Variants in ZBTB20 observed in about 807,000 individuals in gnomAD.
The protein encoded by ZBTB20 is zinc finger and BTB domain-containing protein 20.
In ZBTB20, 9 loss-of-function variants were observed where a neutral mutation model predicts 56.9. The ratio of observed to expected loss-of-function variants is 0.16; its 90% CI spans 0.10 to 0.28. ZBTB20 has a LOEUF of 0.28. Among genes scored for constraint, ZBTB20 ranks in the 10% least tolerant of loss-of-function variants. The probability of loss-of-function intolerance (pLI) is 1.00; values close to 1 mark genes in which losing one functional copy is unlikely to be tolerated. For missense variants in ZBTB20, 655 were observed against 1,003.0 expected, an observed-to-expected ratio of 0.65 and a Z score of 4.69; for synonymous variants, 417 against 420.7, an observed-to-expected ratio of 0.99 and a Z score of 0.11.
In ZBTB20 at chr3:114,368,939, T is replaced by C. The variant is rs149243071; in HGVS notation, c.199+11278A>G. On this transcript the variant is annotated intron_variant, in intron 10 of 11. Coordinates refer to ENST00000675478, the MANE Select transcript of ZBTB20 (RefSeq NM_001348800.3). ...CCAGTCAGGTGTACCTATAAAGACC[T>C]ACAGTATTTCCCTGAGAAAATGACA... Among the ~76,000 whole-genome samples the C allele has an allele frequency of 1.9e-4, 29 of 152,372 alleles. No individual in the cohort carries two copies. The East Asian group carries it at 5.2e-3, about 27-fold the overall frequency.
chr3:114,498,893 T>C (rs2043609798), intron 7 of ZBTB20, among the ~76,000 whole-genome samples: 1 of 152,202 alleles, frequency 6.6e-6, no homozygotes, highest in Non-Finnish European at 1.5e-5. Flanking sequence ...CCTATAGCAC[T>C]GACGTCACAA....
At chr3:115,023,565 T>A (rs1223325857) in intron 2 of ZBTB20, among the ~76,000 whole-genome samples, 1 of 151,012 alleles carries the variant, frequency 6.6e-6, no homozygotes, top group Non-Finnish European at 1.5e-5. Context: ...AATTGAAATA[T>A]GCTATACTTC....
intron 2 of ZBTB20, among the ~76,000 whole-genome samples, chr3:115,024,272 T>G (rs9845146): frequency 6.6e-6 from 1 of 150,746 alleles, no homozygotes; most frequent in Admixed American, 6.6e-5. Flanking sequence ...CCAGGAACTA[T>G]GGTAAGTGCT....
At chr3:114,828,688 G>C (rs1241175001) in intron 4 of ZBTB20, among the ~76,000 whole-genome samples, 1 of 151,714 alleles carries the variant, frequency 6.6e-6, no homozygotes, top group Non-Finnish European at 1.5e-5. Context: ...CATTATGCAG[G>C]GTGATGTTCT....
At chr3:114,970,123 C>T (rs2108024882) in intron 3 of ZBTB20, among the ~76,000 whole-genome samples, 1 of 152,238 alleles carries the variant, frequency 6.6e-6, no homozygotes, top group East Asian at 1.9e-4. Flanking sequence ...CCTTTGTGTA[C>T]TTAATTCTTT....
chr3:114,607,824 C>T (rs1474501288), intron 6 of ZBTB20, among the ~76,000 whole-genome samples: 1 of 152,186 alleles, frequency 6.6e-6, no homozygotes, highest in African/African-American at 2.4e-5. Flanking sequence ...CATATCTAAA[C>T]CTGAACATAC....
chr3:114,425,007 T>C (rs1231769382), intron 7 of ZBTB20, among the ~76,000 whole-genome samples: 1 of 152,184 alleles, frequency 6.6e-6, no homozygotes, highest in Non-Finnish European at 1.5e-5. Flanking sequence ...TTTCCCTCCA[T>C]ATTAAGGACC....
intron 5 of ZBTB20, among the ~76,000 whole-genome samples, chr3:114,755,578 T>C (rs1273075581): frequency 6.6e-6 from 1 of 152,198 alleles, no homozygotes; most frequent in Non-Finnish European, 1.5e-5. Context: ...TTTATTTACA[T>C]GAAATTTTTT....
intron 6 of ZBTB20, among the ~76,000 whole-genome samples, chr3:114,623,445 T>C (rs907568143): frequency 6.6e-6 from 1 of 152,184 alleles, no homozygotes; most frequent in Admixed American, 6.5e-5. Context: ...ATAAATTTCC[T>C]GGGAACCAAA....
At chr3:114,683,132 C>T (rs1362457372) in intron 6 of ZBTB20, among the ~76,000 whole-genome samples, 1 of 152,070 alleles carries the variant, frequency 6.6e-6, no homozygotes, top group Non-Finnish European at 1.5e-5. Context: ...ATTAAGGTAC[C>T]TTTTGCTGGA....
chr3:115,123,348 T>A lies in ZBTB20; in HGVS notation c.-703+23871A>T, dbSNP rs574505934. ...ACATTAATAGTTGAAGATGTTCTAATGTATGAATTATTACTAAAACAATTA... is the reference window on the plus strand; with the variant it reads ...ACATTAATAGTTGAAGATGTTCTAAAGTATGAATTATTACTAAAACAATTA... On this transcript the variant is annotated intron_variant, in intron 1 of 11. Coordinates refer to ENST00000675478, the MANE Select transcript of ZBTB20 (RefSeq NM_001348800.3). 8.5e-5 allele frequency among the ~76,000 whole-genome samples: 13 copies of A among 152,318 alleles called. No individual in the cohort carries two copies. The South Asian group carries it at 2.5e-3, about 29-fold the overall frequency.
At chr3:114,566,410 T>TC (rs1337570848) in intron 6 of ZBTB20, among the ~76,000 whole-genome samples, 2 of 152,066 alleles carry the variant, frequency 1.3e-5, no homozygotes, top group Non-Finnish European at 2.9e-5. Context: ...GTTCCTTTAT[T>TC]CCCCCCAGTT....
chr3:114,735,808 A>G (rs1043832344), intron 5 of ZBTB20, among the ~76,000 whole-genome samples: 1 of 152,142 alleles, frequency 6.6e-6, no homozygotes, highest in Non-Finnish European at 1.5e-5. Flanking sequence ...TTTTTTCTTA[A>G]TATTAACCAA....
At chr3:114,961,682 TATA>T (rs2077457322) in intron 3 of ZBTB20, among the ~76,000 whole-genome samples, 1 of 152,170 alleles carries the variant, frequency 6.6e-6, no homozygotes, top group African/African-American at 2.4e-5. Flanking sequence ...GAGGAAACCC[TATA>T]ATAAGAGCTT....
chr3:114,895,926 T>G (rs1474004990), intron 4 of ZBTB20, among the ~76,000 whole-genome samples: 1 of 152,056 alleles, frequency 6.6e-6, no homozygotes, highest in Non-Finnish European at 1.5e-5. Flanking sequence ...AGACTTTTGG[T>G]AAAGGTCAGT....
chr3:114,355,396 T>C (rs758788979), intron 10 of ZBTB20, among the ~76,000 whole-genome samples: 15 of 151,902 alleles, frequency 9.9e-5, no homozygotes, highest in Non-Finnish European at 2.2e-4. Flanking sequence ...TTCTTAAATA[T>C]CTCCCTGAGT....
At chr3:114,646,505 G>A (rs2059846249) in intron 6 of ZBTB20, among the ~76,000 whole-genome samples, 1 of 152,216 alleles carries the variant, frequency 6.6e-6, no homozygotes, top group African/African-American at 2.4e-5. Flanking sequence ...TGTTGTGGAA[G>A]TTGACAGAAT....
intron 4 of ZBTB20, among the ~76,000 whole-genome samples, chr3:114,869,861 C>T (rs1041564420): frequency 2.6e-5 from 4 of 152,258 alleles, no homozygotes; most frequent in South Asian, 2.1e-4. Context: ...ATGAAGTATG[C>T]ATTCCTTTTT....
At position 114,570,391 on chromosome 3, in the gene ZBTB20, T is replaced by C. The variant is rs547143563; in HGVS notation, c.-294-70000A>G. 3.3e-5 allele frequency among the ~76,000 whole-genome samples: 5 copies of C among 150,974 alleles called. No individual in the cohort carries two copies. In the South Asian group the frequency reaches 1.0e-3, roughly 31 times the overall value. On this transcript the variant is annotated intron_variant, in intron 6 of 11. Transcript: ENST00000675478. Reference sequence around the variant, plus strand: ...TTTATAAATACAGTATGAAATACAATATATTAATATATTGTATAATACAAT... The same window carrying C: ...TTTATAAATACAGTATGAAATACAACATATTAATATATTGTATAATACAAT...
Sources: allele counts gnomAD v4.1 joint callset (sites outside exome capture counted in the v4.1 genomes callset), GRCh38; gene constraint gnomAD v4.1.1; transcripts MANE v1.5; gene names NCBI Gene and HGNC (gene_info 2026-07-23, HGNC 2026-07-21).